The following ARL15 variants were observed in gnomAD, a reference collection of about 807,000 sequenced individuals.
ARL15 encodes the protein ARF like GTPase 15, also known as ADP-ribosylation factor-like protein 15.
A neutral mutation model predicts 25.2 loss-of-function variants in ARL15; 19 were observed. The observed-to-expected ratio is 0.75, with a 90% CI of 0.53 to 1.10. The LOEUF (loss-of-function observed/expected upper bound fraction) is 1.10, where lower values mean the gene tolerates loss of function less well. Among genes scored for constraint, ARL15 ranks in the 50% least tolerant of loss-of-function variants. The pLI is 0.00. For missense variants in ARL15, 220 were observed against 246.0 expected (o/e 0.89, Z 0.71); for synonymous variants, 94 against 86.8 (o/e 1.08, Z -0.46).
intron 4 of ARL15, among the ~76,000 whole-genome samples, chr5:53,896,704 G>A (rs571528853): frequency 6.6e-6 from 1 of 152,154 alleles, no homozygotes; most frequent in East Asian, 2.0e-4. Context: ...CACTGTGTTA[G>A]CCAGGATGTT....
At chr5:54,115,529 T>C (rs1752874016) in intron 3 of ARL15, among the ~76,000 whole-genome samples, 1 of 152,158 alleles carries the variant, frequency 6.6e-6, no homozygotes, top group Non-Finnish European at 1.5e-5. Flanking sequence ...CTCCAGGTAC[T>C]AAGTGTTTTA....
At chr5:53,968,162 G>A (rs934335451) in intron 4 of ARL15, among the ~76,000 whole-genome samples, 1 of 152,132 alleles carries the variant, frequency 6.6e-6, no homozygotes, top group Admixed American at 6.6e-5. Context: ...TTAGTATGCT[G>A]AAGTAAAATT....
chr5:54,125,298 T>C (rs961718777), intron 3 of ARL15, among the ~76,000 whole-genome samples: 2 of 152,020 alleles, frequency 1.3e-5, no homozygotes, highest in Non-Finnish European at 2.9e-5. Flanking sequence ...CCTCCCAAAG[T>C]GTTGGGATTA....
At chr5:54,213,976 G>A (rs1185161017) in intron 1 of ARL15, among the ~76,000 whole-genome samples, 1 of 152,110 alleles carries the variant, frequency 6.6e-6, no homozygotes, top group African/African-American at 2.4e-5. Flanking sequence ...GACTAAATTT[G>A]AACACATATA....
intron 4 of ARL15, among the ~76,000 whole-genome samples, chr5:54,038,552 T>C (rs940398936): frequency 6.6e-6 from 1 of 151,812 alleles, no homozygotes; most frequent in Non-Finnish European, 1.5e-5. Context: ...ATGAAATACC[T>C]TAAAGGTAAT....
At chr5:54,041,520 C>T (rs1357333701) in intron 4 of ARL15, among the ~76,000 whole-genome samples, 1 of 152,182 alleles carries the variant, frequency 6.6e-6, no homozygotes, top group Admixed American at 6.5e-5. Flanking sequence ...GGTTAATAGA[C>T]TTGCTCAAGG....
At chr5:53,926,431 C>T (rs1746027021) in intron 4 of ARL15, among the ~76,000 whole-genome samples, 1 of 152,122 alleles carries the variant, frequency 6.6e-6, no homozygotes, top group Admixed American at 6.5e-5. Flanking sequence ...CCCACCCCAG[C>T]CACTTCATCC....
chr5:54,202,418 G>A (rs888347874), intron 1 of ARL15, among the ~76,000 whole-genome samples: 17 of 152,136 alleles, frequency 1.1e-4, no homozygotes, highest in Non-Finnish European at 4.4e-5. Flanking sequence ...TCAGGGAGAT[G>A]GCATTGTAAG....
chr5:53,924,147 A>T (rs1265874395), intron 4 of ARL15, among the ~76,000 whole-genome samples: 1 of 152,216 alleles, frequency 6.6e-6, no homozygotes, highest in Admixed American at 6.5e-5. Context: ...CCGAAGGCCC[A>T]TGAGCACCTT....
intron 4 of ARL15, among the ~76,000 whole-genome samples, chr5:54,092,449 A>C (rs1240125293): frequency 6.6e-6 from 1 of 152,188 alleles, no homozygotes; most frequent in Non-Finnish European, 1.5e-5. Flanking sequence ...GGAATGTACA[A>C]TTTTTTAATT....
At chr5:53,933,373 GC>G (rs1746253594) in intron 4 of ARL15, among the ~76,000 whole-genome samples, 1 of 152,098 alleles carries the variant, frequency 6.6e-6, no homozygotes, top group African/African-American at 2.4e-5. Flanking sequence ...AAGGCCGGGC[GC>G]GGTGGCTCAC....
intron 4 of ARL15, among the ~76,000 whole-genome samples, chr5:54,008,745 C>T (rs1319202698): frequency 6.6e-6 from 1 of 152,168 alleles, no homozygotes; most frequent in Non-Finnish European, 1.5e-5. Flanking sequence ...CTTGTTTTCC[C>T]AAAATGTTTG....
chr5:54,124,320 G>T (rs1387649365), intron 3 of ARL15, among the ~76,000 whole-genome samples: 1 of 152,170 alleles, frequency 6.6e-6, no homozygotes, highest in Non-Finnish European at 1.5e-5. Flanking sequence ...ATAAAAGTAT[G>T]TTAATCTGCT....
chr5:54,154,856 C>CAA (rs2112349878), intron 2 of ARL15, among the ~76,000 whole-genome samples: 1 of 152,290 alleles, frequency 6.6e-6, no homozygotes, highest in African/African-American at 2.4e-5. Context: ...GGCACAGTGG[C>CAA]TCACACCTGT....
intron 4 of ARL15, among the ~76,000 whole-genome samples, chr5:54,087,223 G>A (rs1320962487): frequency 3.3e-5 from 5 of 152,078 alleles, no homozygotes; most frequent in African/African-American, 1.2e-4. Context: ...AGCTACTCGG[G>A]AGGCTCAGGC....
chr5:53,964,141 C>T (rs573692132), intron 4 of ARL15, among the ~76,000 whole-genome samples: 1 of 152,254 alleles, frequency 6.6e-6, no homozygotes, highest in South Asian at 2.1e-4. Context: ...GCAAGTGCTA[C>T]CTGTTCCTCC....
intron 4 of ARL15, among the ~76,000 whole-genome samples, chr5:53,971,709 CT>C (rs1747756719): frequency 1.3e-5 from 2 of 152,144 alleles, no homozygotes; most frequent in African/African-American, 4.8e-5. Context: ...AATAACAAGT[CT>C]CCTTATGCAT....
chr5:54,277,433 T>C (rs1391455142), intron 1 of ARL15, among the ~76,000 whole-genome samples: 1 of 152,190 alleles, frequency 6.6e-6, no homozygotes, highest in Non-Finnish European at 1.5e-5. Context: ...GGATGAATGC[T>C]TTCTCTGCTA....
chr5:54,021,901 G>A (rs866275490), intron 4 of ARL15, among the ~76,000 whole-genome samples: 1 of 151,936 alleles, frequency 6.6e-6, no homozygotes, highest in Non-Finnish European at 1.5e-5. Flanking sequence ...GGGCAGAAAG[G>A]GACACCTCAC....
Sources: allele counts gnomAD v4.1 joint callset (sites outside exome capture counted in the v4.1 genomes callset), GRCh38; gene constraint gnomAD v4.1.1; transcripts MANE v1.5; gene names NCBI Gene and HGNC (gene_info 2026-07-23, HGNC 2026-07-21).